KAZN: variants seen among roughly 807,000 people sequenced by gnomAD.
KAZN encodes kazrin.
A neutral mutation model predicts 87.4 loss-of-function variants in KAZN; 40 were observed. That is an observed-to-expected ratio of 0.46 (90% CI 0.36 to 0.60). The LOEUF is 0.60. KAZN is among the 20% of genes least tolerant of loss of function. The pLI is 0.00. For synonymous variants in KAZN, 466 were observed against 458.3 expected (o/e 1.02, Z -0.22); for missense variants, 898 against 1,073.9 (o/e 0.84, Z 2.29).
intron 1 of KAZN, among the ~76,000 whole-genome samples, chr1:14,605,530 T>C (rs1677293232): frequency 1.3e-5 from 2 of 152,242 alleles, no homozygotes; most frequent in South Asian, 4.1e-4. Flanking sequence ...ATGCCCCATG[T>C]ATTATGTATT....
rs1676718250 is a variant in KAZN at position 14,598,963 on chromosome 1, G to A, written c.-35G>A. The A allele has an allele frequency of 6.4e-7, 1 of 1,561,262 alleles. No individual in the cohort carries two copies. Among genetic ancestry groups the A allele is most frequent in the Non-Finnish European group, 8.6e-7 (1 of 1,157,484 alleles). The stretch of plus-strand genomic sequence containing the variant: ...CCCCCCGCGCATCATGCAGCTCTTT[G>A]TCACCTCTCTCGCCCCCAGGCCAAA... On this transcript the variant is annotated 5_prime_UTR_variant, in exon 1 of 15. Transcript: ENST00000376030. This position sits in a 1 kb window ranked among gnomAD's most constrained non-coding sequence, Gnocchi z 4.2.
intron 1 of KAZN, among the ~76,000 whole-genome samples, chr1:13,926,264 C>T (rs1403046020): frequency 6.6e-6 from 1 of 152,118 alleles, no homozygotes; most frequent in Non-Finnish European, 1.5e-5. Context: ...ACACACCAGG[C>T]TGGCTGTCTG....
At chr1:14,742,048 C>T (rs566066404) in intron 1 of KAZN, among the ~76,000 whole-genome samples, 1 of 152,270 alleles carries the variant, frequency 6.6e-6, no homozygotes, top group South Asian at 2.1e-4. Flanking sequence ...AGAACCATCC[C>T]CAAGCAAAGA....
At chr1:14,402,358 T>C (rs997004943) in intron 2 of KAZN, among the ~76,000 whole-genome samples, 16 of 152,142 alleles carry the variant, frequency 1.1e-4, no homozygotes, top group African/African-American at 3.1e-4. Flanking sequence ...TTCCAAGCAC[T>C]TGTATTTTCT....
intron 2 of KAZN, among the ~76,000 whole-genome samples, chr1:14,983,289 G>C (rs1246871511): frequency 6.6e-6 from 1 of 152,204 alleles, no homozygotes; most frequent in Non-Finnish European, 1.5e-5. Flanking sequence ...CCTTCAGGAT[G>C]GGCCCCGGAC....
chr1:14,385,874 C>T (rs1435425669), intron 2 of KAZN, among the ~76,000 whole-genome samples: 3 of 147,492 alleles, frequency 2.0e-5, no homozygotes, highest in African/African-American at 5.1e-5. Flanking sequence ...TCCTTGTTGA[C>T]TTTCTGTCTC....
intron 2 of KAZN, among the ~76,000 whole-genome samples, chr1:15,011,664 T>C (rs924706534): frequency 3.9e-5 from 6 of 152,238 alleles, no homozygotes; most frequent in African/African-American, 1.4e-4. Context: ...TTAAAGCCGG[T>C]GATAAAGTTT....
chr1:14,715,281 A>C (rs1031192376), intron 1 of KAZN, among the ~76,000 whole-genome samples: 1 of 152,298 alleles, frequency 6.6e-6, no homozygotes, highest in African/African-American at 2.4e-5. Context: ...GGCTTAGGGC[A>C]GGTTGCTCTT....
intron 2 of KAZN, among the ~76,000 whole-genome samples, chr1:14,287,314 G>A (rs1303064425): frequency 2.0e-5 from 3 of 152,098 alleles, no homozygotes; most frequent in Admixed American, 6.6e-5. Flanking sequence ...CTTGCACCTA[G>A]AGGTAATCAT....
At chr1:14,017,156 G>A (rs1485880910) in intron 1 of KAZN, among the ~76,000 whole-genome samples, 2 of 152,270 alleles carry the variant, frequency 1.3e-5, no homozygotes, top group East Asian at 3.9e-4. Context: ...GATTCCTTCT[G>A]CTTTTTCTCA....
intron 1 of KAZN, among the ~76,000 whole-genome samples, chr1:14,004,115 G>A (rs1398283889): frequency 2.1e-5 from 3 of 140,830 alleles, no homozygotes; most frequent in African/African-American, 5.1e-5. Context: ...CAAAAAAAAA[G>A]CAAATGTCCA....
At chr1:14,891,665 G>C (rs1654736935) in intron 1 of KAZN, among the ~76,000 whole-genome samples, 1 of 152,164 alleles carries the variant, frequency 6.6e-6, no homozygotes, top group African/African-American at 2.4e-5. Flanking sequence ...AAGTTAGCCT[G>C]TGTCATGCTG....
chr1:14,224,741 G>T (rs1025498041), intron 2 of KAZN, among the ~76,000 whole-genome samples: 1 of 152,056 alleles, frequency 6.6e-6, no homozygotes, highest in Non-Finnish European at 1.5e-5. Context: ...TCCTCTCCAG[G>T]TCTCAGGGAA....
intron 2 of KAZN, among the ~76,000 whole-genome samples, chr1:14,311,064 G>C (rs1262177416): frequency 6.6e-6 from 1 of 152,196 alleles, no homozygotes; most frequent in Non-Finnish European, 1.5e-5. Flanking sequence ...TATTTGAGGT[G>C]AATATGAAAG....
chr1:13,922,947 G>T (rs1010607175), intron 1 of KAZN, among the ~76,000 whole-genome samples: 1 of 152,210 alleles, frequency 6.6e-6, no homozygotes, highest in Non-Finnish European at 1.5e-5. Flanking sequence ...TAACTAATGA[G>T]GTTGATGGGC....
At chr1:14,340,563 A>G (rs1420562921) in intron 2 of KAZN, among the ~76,000 whole-genome samples, 2 of 152,208 alleles carry the variant, frequency 1.3e-5, no homozygotes, top group Non-Finnish European at 2.9e-5. Context: ...TGTGTGTTTC[A>G]GTGCCAAGCT....
intron 2 of KAZN, among the ~76,000 whole-genome samples, chr1:14,497,161 C>G (rs1276590635): frequency 2.0e-5 from 3 of 152,158 alleles, no homozygotes; most frequent in Admixed American, 2.0e-4. Flanking sequence ...CTCTCCAACT[C>G]TGATAGCGAT....
At chr1:15,072,090 A>G (rs1351920457) in intron 8 of KAZN, among the ~76,000 whole-genome samples, 1 of 152,100 alleles carries the variant, frequency 6.6e-6, no homozygotes, top group African/African-American at 2.4e-5. Context: ...CTGGCCCCAC[A>G]TCTGATTCTA....
chr1:14,027,184 C>T (rs980306266), intron 1 of KAZN, among the ~76,000 whole-genome samples: 16 of 152,160 alleles, frequency 1.1e-4, no homozygotes, highest in African/African-American at 3.6e-4. Context: ...AGACAAACAG[C>T]CTCCTCTGAA....
Sources: gnomAD v4.1 joint callset for allele counts (sites outside exome capture counted in the v4.1 genomes callset) on GRCh38, gnomAD v4.1.1 for gene constraint, Gnocchi (gnomAD v3.1) non-coding constraint, MANE v1.5 for transcripts, NCBI Gene and HGNC (gene_info 2026-07-23, HGNC 2026-07-21) for gene names.